ULK3: variants seen among roughly 807,000 people sequenced by gnomAD.
The protein encoded by ULK3 is serine/threonine-protein kinase ULK3.
A neutral mutation model predicts 69.4 loss-of-function variants in ULK3; 54 were observed. The observed-to-expected ratio is 0.78, with a 90% confidence interval of 0.63 to 0.98. The LOEUF is 0.98. Among genes scored for constraint, ULK3 ranks in the 50% least tolerant of loss-of-function variants. The probability of loss-of-function intolerance (pLI) is 0.00; values close to 1 mark genes in which losing one functional copy is unlikely to be tolerated. For synonymous variants in ULK3, 240 were observed against 254.5 expected, an observed-to-expected ratio of 0.94 and a Z score of 0.54; for missense variants, 558 against 627.7, an observed-to-expected ratio of 0.89 and a Z score of 1.19.
At position 74,842,554 on chromosome 15, in the gene ULK3, G is replaced by A. The variant is rs765874345; in HGVS notation, c.103-134C>T. The A allele has an allele frequency of 6.9e-6, 11 of 1,593,466 alleles. No individual in the cohort carries two copies. Among genetic ancestry groups the A allele is most frequent in the African/African-American group, 1.3e-5 (1 of 74,716 alleles). On this transcript the variant is annotated intron_variant, in intron 1 of 15. Transcript: ENST00000440863. This position sits in a 1 kb window ranked among gnomAD's most constrained non-coding sequence, Gnocchi z 4.9. The stretch of plus-strand genomic sequence containing the variant: ...GTCTACCTACTGCACACCAGCACCG[G>A]GCTTCCCAGCTTTCCCTTGTGAGGC...
chr15:74,838,848 T>A, intron 9 of ULK3, 103 bp from the exon 10 acceptor site: 1 of 1,404,096 alleles, frequency 7.1e-7, no homozygotes, highest in Non-Finnish European at 9.8e-7. Flanking sequence ...TGCCTCAAGC[T>A]ATAAACATGT....
At chr15:74,839,762 C>A in intron 6 of ULK3, 49 bp from the exon 7 acceptor site, 1 of 1,475,618 alleles carries the variant, frequency 6.8e-7, no homozygotes, top group Non-Finnish European at 8.9e-7. Flanking sequence ...CTCCTCCACC[C>A]CTACCCCTAG....
chr15:74,838,302 G>T lies in ULK3; in HGVS notation c.1210C>A (p.Gln404Lys), dbSNP rs868701671. ...GGEQDALDLY[Q>K]HSLGELLLLL... ...AGCAGTAGCTCCCCCAGGCTGTGCT[G>T]GTACAGGTCCAGGGCATCCTGCTCC... Residue 404 changes from glutamine (Q) to lysine (K), a missense_variant, in exon 12 of 16, where the codon CAG becomes AAG. Coordinates refer to ENST00000440863, the MANE Select transcript of ULK3 (RefSeq NM_001099436.4). The T allele has an allele frequency of 6.4e-7, 1 of 1,566,028 alleles. No individual in the cohort carries two copies. The highest frequency in any genetic ancestry group is 2.4e-5 in the East Asian group (1 of 41,764).
rs903676053 is a variant in ULK3 at position 74,839,009 on chromosome 15, C to T, written c.999+1G>A. On this transcript the variant is annotated splice_donor_variant, in intron 9 of 15. Coordinates refer to ENST00000440863, the MANE Select transcript of ULK3 (RefSeq NM_001099436.4). LOFTEE classifies it high-confidence loss of function. ...ACTTCCTCATGGGGACTCTCACCCA[C>T]CTTTGCCTTAATTGCCTCCTTCCGC... is the stretch of plus-strand genomic sequence containing the variant. The T allele has an allele frequency of 3.7e-6, 6 of 1,603,722 alleles. No individual in the cohort carries two copies. Among genetic ancestry groups the T allele is most frequent in the African/African-American group, 1.3e-5 (1 of 74,820 alleles).
At chr15:74,838,973 C>A in intron 9 of ULK3, 37 bp downstream of exon 9, 1 of 1,581,946 alleles carries the variant, frequency 6.3e-7, no homozygotes. Flanking sequence ...GGCCTTACCC[C>A]CTGCCCCCCC....
chr15:74,840,728 C>T, intron 4 of ULK3, 87 bp from the exon 5 acceptor site: 1 of 1,454,072 alleles, frequency 6.9e-7, no homozygotes, highest in Non-Finnish European at 9.1e-7. Context: ...CTCCTCTCCA[C>T]CCTCCAGACC....
chr15:74,843,060 G>A lies in ULK3; in HGVS notation c.46C>T (p.Leu16Phe), dbSNP rs2064322899. 6.7e-7 allele frequency: 1 copy of A among 1,486,398 alleles called. No homozygotes were observed. Among genetic ancestry groups the A allele is most frequent in the Non-Finnish European group, 9.0e-7 (1 of 1,113,354 alleles). The allele number at this position is 1,486,398 out of a possible 1,614,324, so 92.1% of individuals were successfully genotyped here. A position where few individuals can be genotyped will look rare whatever the true frequency, so the allele number is the denominator to read the frequency against. The part of the protein sequence containing the change: ...WGPPRLDGFI[L>F]TERLGSGTYA... ...GTGCCGCTGCCCAGGCGCTCGGTGA[G>A]GATGAAGCCGTCCAGGCGCGGGGGA... The change falls in exon 1 of 16, where the codon CTC (leucine) becomes TTC (phenylalanine). Residue 16 changes from leucine (L) to phenylalanine (F), a missense_variant. Transcript: ENST00000440863.
Position 74,842,715 on chromosome 15 carries a change from G to A in ULK3, c.102+289C>T, listed in dbSNP as rs1233020852. 1.3e-6 allele frequency: 2 copies of A among 1,525,170 alleles called. No individual in the cohort carries two copies. Among genetic ancestry groups the A allele is most frequent in the African/African-American group, 1.4e-5 (1 of 72,988 alleles). The allele number at this position is 1,525,170 out of a possible 1,614,324, so 94.5% of individuals were successfully genotyped here. A position where few individuals can be genotyped will look rare whatever the true frequency, so the allele number is the denominator to read the frequency against. On this transcript the variant is annotated intron_variant, in intron 1 of 15. Coordinates refer to ENST00000440863, the MANE Select transcript of ULK3 (RefSeq NM_001099436.4). The surrounding 1 kb of genome is among the most constrained non-coding windows in gnomAD (Gnocchi z 4.9). ...CAGAGGCATGTCACTCAGGGTTCTA[G>A]AACCGCCCACTCTGCCTCCCAACTG... is the stretch of plus-strand genomic sequence containing the variant.
In ULK3 at chr15:74,839,602, C is replaced by T; in HGVS notation, c.808G>A (p.Val270Met). The T allele has an allele frequency of 6.4e-7, 1 of 1,563,566 alleles. No homozygotes were observed. The highest frequency in any genetic ancestry group is 8.7e-7 in the Non-Finnish European group (1 of 1,155,248). The change falls in exon 7 of 16, where the codon GTG becomes ATG. Residue 270 changes from valine (V) to methionine (M), a missense_variant. Coordinates refer to ENST00000440863, the MANE Select transcript of ULK3 (RefSeq NM_001099436.4). ...CCACTGGGCATGTGCTCCAGGTCCA[C>T]CCAGGGGTGCGCAAAAAAGTCCTGG... The part of the protein sequence containing the change: ...SFQDFFAHPW[V>M]DLEHMPSGES...
Position 74,842,168 on chromosome 15 carries a change from T to C in ULK3, c.271A>G (p.Met91Val). 6.2e-7 allele frequency: 1 copy of C among 1,613,968 alleles called. No individual in the cohort carries two copies. The highest frequency in any genetic ancestry group is 8.5e-7 in the Non-Finnish European group (1 of 1,179,878). ...QWDSDNIYLIMEFCAGGDLSR... is the reference protein window; with the variant it reads ...QWDSDNIYLIVEFCAGGDLSR... ...AGGTCGCCCCCTGCGCAAAACTCCA[T>C]GATGAGGTAGATATTGTCACTGTCC... is the stretch of plus-strand genomic sequence containing the variant. The change falls in exon 3 of 16, where the codon ATG becomes GTG. Residue 91 changes from methionine (M) to valine (V), a missense_variant. Physicochemically the swap from Met to Val is conservative, Grantham distance 21. Coordinates refer to ENST00000440863, the MANE Select transcript of ULK3 (RefSeq NM_001099436.4). This position sits in a 1 kb window ranked among gnomAD's most constrained non-coding sequence, Gnocchi z 4.9.
Position 74,838,290 on chromosome 15 carries a change from C to T in ULK3, c.1222G>A (p.Gly408Arg), listed in dbSNP as rs377101758. Residue 408 changes from glycine to arginine, a missense_variant, in exon 12 of 16, where the codon GGG becomes AGG. Physicochemically the swap from Gly to Arg is moderately radical, Grantham distance 125. Coordinates refer to ENST00000440863, the MANE Select transcript of ULK3 (RefSeq NM_001099436.4). Reference protein sequence around the residue: ...DALDLYQHSLGELLLLLAAEP... With the variant: ...DALDLYQHSLRELLLLLAAEP... ...CCTGCCAGCAACAGCAGTAGCTCCC[C>T]CAGGCTGTGCTGGTACAGGTCCAGG... 7.2e-5 allele frequency: 113 copies of T among 1,563,104 alleles called. No individual in the cohort carries two copies. The highest frequency in any genetic ancestry group is 9.4e-5 in the Non-Finnish European group (109 of 1,153,816).
chr15:74,839,712 A>G lies in ULK3; in HGVS notation c.698T>C (p.Leu233Pro). The change falls in exon 7 of 16, where the codon CTC becomes CCC. Residue 233 changes from leucine to proline, a missense_variant and splice_region_variant. By Grantham distance (98) the Leu-to-Pro change is moderately conservative. Transcript: ENST00000440863. Reference sequence around the variant, plus strand: ...TCGGGAGAGCAGGGGCCGCAAGGGGAGCTGCAGGGAAGGGAACGGCAGGGA... The same window carrying G: ...TCGGGAGAGCAGGGGCCGCAAGGGGGGCTGCAGGGAAGGGAACGGCAGGGA... ...EKIRSNRVIE[L>P]PLRPLLSRDC... 5.2e-6 allele frequency: 8 copies of G among 1,541,594 alleles called. No individual in the cohort carries two copies. Among genetic ancestry groups the G allele is most frequent in the Non-Finnish European group, 7.0e-6 (8 of 1,147,024 alleles).
chr15:74,838,577 G>A (rs1396165507), intron 10 of ULK3, 66 bp downstream of exon 10: 28 of 1,571,070 alleles, frequency 1.8e-5, no homozygotes, highest in Middle Eastern at 3.3e-4. Flanking sequence ...CTCCCCACCC[G>A]CCTCCCCCTC....
At chr15:74,840,344 G>T in intron 5 of ULK3, 28 bp from the exon 6 acceptor site, 1 of 1,595,032 alleles carries the variant, frequency 6.3e-7, no homozygotes, top group East Asian at 2.3e-5. Context: ...AGCGGAGGCT[G>T]GGAGGGAATG....
intron 8 of ULK3, 86 bp from the exon 9 acceptor site, chr15:74,839,136 A>T: frequency 6.5e-7 from 1 of 1,544,766 alleles, no homozygotes; most frequent in Non-Finnish European, 8.8e-7. Context: ...AAAACACAAT[A>T]TTCCAGGTTT....
At position 74,842,370 on chromosome 15, in the gene ULK3, C is replaced by T; in HGVS notation, c.153G>A (p.Leu51=). The change falls in exon 2 of 16, where the codon CTG becomes CTA. Residue 51 remains leucine, a synonymous_variant. Transcript: ENST00000440863. The surrounding 1 kb of genome is among the most constrained non-coding windows in gnomAD (Gnocchi z 4.9). ...GGAGGTTCTCCACCGATGCCTTGTT[C>T]AGACTTTTCTTGGCTACACACTTTA... ...VAIKCVAKKS[L]NKASVENLLT... The T allele has an allele frequency of 6.2e-7, 1 of 1,614,014 alleles. No individual in the cohort carries two copies. The highest frequency in any genetic ancestry group is 8.5e-7 in the Non-Finnish European group (1 of 1,179,890).
chr15:74,839,147 A>C, intron 8 of ULK3, 97 bp from the exon 9 acceptor site: 1 of 1,538,776 alleles, frequency 6.5e-7, no homozygotes, highest in East Asian at 2.4e-5. Context: ...TTCCAGGTTT[A>C]CGCTCTGCTT....
chr15:74,843,063 T>A lies in ULK3; in HGVS notation c.43A>T (p.Ile15Phe), dbSNP rs1463601394. 2 of 1,485,252 alleles carry A rather than the reference T, an allele frequency of 1.3e-6. No individual in the cohort carries two copies. The highest frequency in any genetic ancestry group is 1.3e-5 in the South Asian group (1 of 76,650). The allele number at this position is 1,485,252 out of a possible 1,614,324, so 92.0% of individuals were successfully genotyped here. ...CCGCTGCCCAGGCGCTCGGTGAGGA[T>A]GAAGCCGTCCAGGCGCGGGGGACCC... ...GWGPPRLDGF[I>F]LTERLGSGTY... Residue 15 changes from isoleucine to phenylalanine, a missense_variant, in exon 1 of 16, where the codon ATC (isoleucine) becomes TTC (phenylalanine). Ile to Phe is a conservative substitution (Grantham distance 21, BLOSUM62 0). Transcript: ENST00000440863.
chr15:74,837,316 C>T, intron 15 of ULK3, 53 bp downstream of exon 15: 1 of 1,612,802 alleles, frequency 6.2e-7, no homozygotes, highest in South Asian at 1.1e-5. Context: ...AACCCAGGGC[C>T]CCCAGCCCTC....
Sources: gnomAD v4.1 joint callset for allele counts on GRCh38, gnomAD v4.1.1 for gene constraint, Gnocchi (gnomAD v3.1) non-coding constraint, MANE v1.5 for transcripts, NCBI Gene and HGNC (gene_info 2026-07-23, HGNC 2026-07-21) for gene names.